ENG: variants seen among roughly 807,000 people sequenced by gnomAD.
The protein encoded by ENG is CD105 antigen.
ENG carries 17 observed loss-of-function variants against 71.0 expected under a neutral mutation model. That is an observed-to-expected ratio of 0.24 (90% CI 0.16 to 0.36). The LOEUF (loss-of-function observed/expected upper bound fraction) is 0.36. ENG is among the 10% of genes least tolerant of loss of function. The probability of loss-of-function intolerance (pLI) is 1.00; values close to 1 mark genes in which losing one functional copy is unlikely to be tolerated. For synonymous variants in ENG, 360 were observed against 366.9 expected, an observed-to-expected ratio of 0.98 and a Z score of 0.21; for missense variants, 749 against 868.3, an observed-to-expected ratio of 0.86 and a Z score of 1.73.
intron 1 of ENG, among the ~76,000 whole-genome samples, chr9:127,853,612 G>C (rs1334079568): frequency 1.3e-5 from 2 of 152,224 alleles, no homozygotes; most frequent in African/African-American, 4.8e-5. Context: ...AGGTAGGAGG[G>C]AGGCAGGGCA....
intron 2 of ENG, among the ~76,000 whole-genome samples, chr9:127,842,060 C>T (rs916140050): frequency 4.6e-5 from 7 of 152,152 alleles, no homozygotes; most frequent in Admixed American, 1.3e-4. Context: ...TCAGGACAGA[C>T]GTATCAGACA....
At position 127,854,308 on chromosome 9, in the gene ENG, G is replaced by T; in HGVS notation, c.48C>A (p.Ser16Arg). The change falls in exon 1 of 15, where the codon AGC (serine) becomes AGA (arginine). Residue 16 changes from serine to arginine, a missense_variant. By Grantham distance (110) the Ser-to-Arg change is moderately radical. Transcript: ENST00000373203. ...ACCTACTTGTGGGGCTGAGGCTGCA[G>T]CTGGCCAGCAGCAGGGCAACAGCCA... is the stretch of plus-strand genomic sequence containing the variant. ...LPLAVALLLA[S>R]CSLSPTSLAE... 6.3e-7 allele frequency: 1 copy of T among 1,594,012 alleles called. No homozygotes were observed.
chr9:127,824,503 C>G (rs1053843964), intron 7 of ENG, 57 bp from the exon 8 acceptor site: 1 of 1,475,474 alleles, frequency 6.8e-7, no homozygotes, highest in Non-Finnish European at 9.1e-7. Context: ...ACTGTGTGCC[C>G]GCACCAGGCT....
chr9:127,830,351 A>T (rs1830734275), intron 2 of ENG, among the ~76,000 whole-genome samples: 1 of 150,690 alleles, frequency 6.6e-6, no homozygotes, highest in Non-Finnish European at 1.5e-5. Context: ...AAAAAAAAAA[A>T]AAAAAAAAAG....
chr9:127,819,570 C>T (rs1288604162), intron 10 of ENG, 52 bp downstream of exon 10: 1 of 1,610,870 alleles, frequency 6.2e-7, no homozygotes, highest in African/African-American at 1.3e-5. Context: ...GAGGCCCCGG[C>T]CCAGCAGCAG....
intron 2 of ENG, among the ~76,000 whole-genome samples, chr9:127,840,864 T>A (rs917138934): frequency 8.5e-5 from 13 of 152,238 alleles, no homozygotes; most frequent in Non-Finnish European, 1.6e-4. Context: ...GAGATTTTGT[T>A]GTCATGAACT....
rs943152489 is a variant in ENG at position 127,838,763 on chromosome 9, G to A, written c.219+4331C>T. On this transcript the variant is annotated intron_variant, in intron 2 of 14. Coordinates refer to ENST00000373203, the MANE Select transcript of ENG (RefSeq NM_001114753.3). The surrounding 1 kb of genome is among the most constrained non-coding windows in gnomAD (Gnocchi z 4.3). ...AGGATGTGACCCTGGGCCCCCTCCCGGAATCCAGGCTCCGGCCTGCCCTTC... is the reference window on the plus strand; with the variant it reads ...AGGATGTGACCCTGGGCCCCCTCCCAGAATCCAGGCTCCGGCCTGCCCTTC... Among the ~76,000 whole-genome samples the A allele has an allele frequency of 2.0e-5, 3 of 152,062 alleles. No individual in the cohort carries two copies. Among genetic ancestry groups the A allele is most frequent in the Non-Finnish European group, 2.9e-5 (2 of 67,986 alleles).
chr9:127,820,276 C>T (rs906668381), intron 8 of ENG, among the ~76,000 whole-genome samples: 7 of 152,090 alleles, frequency 4.6e-5, no homozygotes, highest in African/African-American at 1.4e-4. Context: ...TCACTACAAC[C>T]TCCACCTCCT....
At chr9:127,834,167 G>T (rs1199600134) in intron 2 of ENG, among the ~76,000 whole-genome samples, 2 of 152,148 alleles carry the variant, frequency 1.3e-5, no homozygotes, top group African/African-American at 4.8e-5. Flanking sequence ...CCGCCTCCTG[G>T]GTTCAAGCAA....
At position 127,820,117 on chromosome 9, in the gene ENG, A is replaced by G; in HGVS notation, c.1135-80T>C. 5 of 1,550,178 alleles carry G rather than the reference A, an allele frequency of 3.2e-6. No homozygotes were observed. In the Admixed American group the frequency reaches 9.2e-5, roughly 29 times the overall value. ...CACACCCCAGCACCAAGGACTGACC[A>G]CAACCCAGGGGTCCCAAGTCACAGC... is the stretch of plus-strand genomic sequence containing the variant. On this transcript the variant is annotated intron_variant, in intron 8 of 14. Coordinates refer to ENST00000373203, the MANE Select transcript of ENG (RefSeq NM_001114753.3).
At chr9:127,827,675 C>T (rs923371803) in intron 3 of ENG, among the ~76,000 whole-genome samples, 3 of 152,076 alleles carry the variant, frequency 2.0e-5, no homozygotes, top group African/African-American at 7.2e-5. Context: ...TTTTTAGAGA[C>T]GAGGGTCTCA....
Position 127,825,885 on chromosome 9 carries a change from C to G in ENG, c.524-25G>C. The G allele has an allele frequency of 1.9e-6, 3 of 1,568,086 alleles. No homozygotes were observed. In the South Asian group the frequency reaches 3.5e-5, roughly 18 times the overall value. ...GCTGCAGAGACACGCGCACCTCAGT[C>G]CCTTCCCTCAGCAGCCCTGCACCTA... On this transcript the variant is annotated intron_variant, in intron 4 of 14. Transcript: ENST00000373203.
chr9:127,821,598 C>T (rs960382265), intron 8 of ENG: 1 of 151,838 alleles, frequency 6.6e-6, no homozygotes, highest in Non-Finnish European at 1.5e-5. Context: ...AGGCTGCGGA[C>T]CAGGCGCCTG....
chr9:127,815,219 G>A lies in ENG; in HGVS notation c.*463C>T, dbSNP rs1830275093. 1 of 157,114 alleles carries A rather than the reference G, an allele frequency of 6.4e-6. No homozygotes were observed. The highest frequency in any genetic ancestry group is 1.4e-5 in the Non-Finnish European group (1 of 71,388). The allele number at this position is 157,114 out of a possible 1,614,324, so 9.7% of individuals were successfully genotyped here. A position where few individuals can be genotyped will look rare whatever the true frequency, so the allele number is the denominator to read the frequency against. On this transcript the variant is annotated 3_prime_UTR_variant, in exon 15 of 15. Transcript: ENST00000373203. The stretch of plus-strand genomic sequence containing the variant: ...AGGCTCCTGTCTCCCCTGCCAGTTA[G>A]TTAGGCAAGTTCAGGTGTGGAGGCC...
At chr9:127,837,457 C>A (rs1830925886) in intron 2 of ENG, among the ~76,000 whole-genome samples, 2 of 152,176 alleles carry the variant, frequency 1.3e-5, no homozygotes, top group Non-Finnish European at 2.9e-5. Flanking sequence ...CCCCTGGTAC[C>A]TCCAGCCTTT....
intron 13 of ENG, 111 bp downstream of exon 13, chr9:127,817,038 G>T (rs766554238): frequency 1.1e-4 from 147 of 1,279,458 alleles, no homozygotes; most frequent in Middle Eastern, 2.0e-4. Context: ...CTTTCTCTGG[G>T]GTCCCCCTTG....
intron 11 of ENG, 116 bp from the exon 12 acceptor site, chr9:127,818,493 A>G: frequency 1.9e-6 from 3 of 1,546,084 alleles, no homozygotes; most frequent in Non-Finnish European, 2.6e-6. Context: ...CTCACAGTGG[A>G]AAGAAAGACA....
intron 3 of ENG, among the ~76,000 whole-genome samples, chr9:127,828,378 G>T (rs1268086039): frequency 6.6e-6 from 1 of 152,218 alleles, no homozygotes. Context: ...CCTGGCACTG[G>T]GTCGGCCACC....
chr9:127,844,398 A>G (rs1289345608), intron 1 of ENG, among the ~76,000 whole-genome samples: 1 of 151,952 alleles, frequency 6.6e-6, no homozygotes, highest in African/African-American at 2.4e-5. Context: ...AAGTGCTAGG[A>G]TTACAGGCAT....
Sources: gnomAD v4.1 joint callset for allele counts (sites outside exome capture counted in the v4.1 genomes callset) on GRCh38, gnomAD v4.1.1 for gene constraint, Gnocchi (gnomAD v3.1) non-coding constraint, MANE v1.5 for transcripts, NCBI Gene and HGNC (gene_info 2026-07-23, HGNC 2026-07-21) for gene names.